The following NETO1 variants were observed in gnomAD, a reference collection of about 807,000 sequenced individuals.
NETO1 encodes the protein neuropilin and tolloid-like protein 1.
In NETO1, 26 loss-of-function variants were observed where a neutral mutation model predicts 61.3. The ratio of observed to expected loss-of-function variants is 0.42; its 90% CI spans 0.31 to 0.59. NETO1 has a LOEUF of 0.59. Ranked by LOEUF, NETO1 falls within the 20% of genes least tolerant of loss-of-function variation. The probability of loss-of-function intolerance (pLI) is 0.12; values close to 1 mark genes in which losing one functional copy is unlikely to be tolerated. For missense variants in NETO1, 531 were observed against 662.8 expected (o/e 0.80, Z 2.18); for synonymous variants, 225 against 225.8 (o/e 1.00, Z 0.03).
At chr18:72,840,525 G>A (rs1236456594) in intron 4 of NETO1, among the ~76,000 whole-genome samples, 2 of 152,150 alleles carry the variant, frequency 1.3e-5, no homozygotes, top group South Asian at 2.1e-4. Context: ...CAATTACTGA[G>A]GGTGATTTAT....
chr18:72,843,301 A>G (rs1411111548), intron 4 of NETO1, among the ~76,000 whole-genome samples: 1 of 152,176 alleles, frequency 6.6e-6, no homozygotes, highest in East Asian at 1.9e-4. Context: ...CAACAGATAG[A>G]GGAGTAAAGC....
At chr18:72,770,717 A>G (rs1369893714) in intron 7 of NETO1, among the ~76,000 whole-genome samples, 1 of 152,158 alleles carries the variant, frequency 6.6e-6, no homozygotes, top group Non-Finnish European at 1.5e-5. Context: ...TCCAGTACAT[A>G]ACATTTTCTT....
chr18:72,790,748 C>A (rs1173829418), intron 6 of NETO1, among the ~76,000 whole-genome samples: 1 of 152,106 alleles, frequency 6.6e-6, no homozygotes, highest in South Asian at 2.1e-4. Context: ...AATCCTGTTT[C>A]ATGTGACAGT....
intron 4 of NETO1, among the ~76,000 whole-genome samples, chr18:72,805,030 T>C (rs1260511450): frequency 6.6e-6 from 1 of 152,230 alleles, no homozygotes; most frequent in Non-Finnish European, 1.5e-5. Context: ...GACTGTTACA[T>C]TTTTATCAAA....
chr18:72,794,643 T>C (rs1322796936), intron 4 of NETO1, among the ~76,000 whole-genome samples: 1 of 152,134 alleles, frequency 6.6e-6, no homozygotes, highest in Non-Finnish European at 1.5e-5. Flanking sequence ...CTATTTAAAT[T>C]TTTTTTCTAA....
rs984117632 is a variant in NETO1 at position 72,746,185 on chromosome 18, A to T, written c.*1994T>A. 6.6e-6 allele frequency among the ~76,000 whole-genome samples: 1 copy of T among 152,184 alleles called. No individual in the cohort carries two copies. The highest frequency in any genetic ancestry group is 2.4e-5 in the African/African-American group (1 of 41,452). Reference sequence around the variant, plus strand: ...TTTTTATTGCTGTTACAAATAAAAAATCTTGACAGTTATATCATACTTTTG... The same window carrying T: ...TTTTTATTGCTGTTACAAATAAAAATTCTTGACAGTTATATCATACTTTTG... On this transcript the variant is annotated 3_prime_UTR_variant, in exon 11 of 11. Coordinates refer to ENST00000327305, the MANE Select transcript of NETO1 (RefSeq NM_138966.5).
At chr18:72,837,168 G>C (rs2073776981) in intron 4 of NETO1, among the ~76,000 whole-genome samples, 1 of 152,080 alleles carries the variant, frequency 6.6e-6, no homozygotes, top group African/African-American at 2.4e-5. Flanking sequence ...CAATAAACAG[G>C]AAAAAACTTG....
At chr18:72,755,025 A>T (rs753706057) in intron 8 of NETO1, among the ~76,000 whole-genome samples, 3 of 152,156 alleles carry the variant, frequency 2.0e-5, no homozygotes, top group Non-Finnish European at 2.9e-5. Context: ...TAAAGGAATC[A>T]TTTTTCTTTC....
At chr18:72,828,977 A>C (rs2073483992) in intron 4 of NETO1, among the ~76,000 whole-genome samples, 1 of 152,200 alleles carries the variant, frequency 6.6e-6, no homozygotes, top group African/African-American at 2.4e-5. Flanking sequence ...CTAAAAAAAA[A>C]ATCTTAAGAA....
rs2074777507 is a variant in NETO1, at chr18:72,867,483, G to A, written c.-192C>T. On this transcript the variant is annotated 5_prime_UTR_variant, in exon 1 of 11. Coordinates refer to ENST00000327305, the MANE Select transcript of NETO1 (RefSeq NM_138966.5). ...CCACGCTGCAGCCAGATCCGGATGA[G>A]TCCGTCCTCCGCCCCGGGCGGGCTC... The A allele has an allele frequency of 2.5e-6, 1 of 402,032 alleles. No homozygotes were observed. The highest frequency in any genetic ancestry group is 4.4e-5 in the Admixed American group (1 of 22,640). The allele number at this position is 402,032 out of a possible 1,614,324, so 24.9% of individuals were successfully genotyped here. A position where few individuals can be genotyped will look rare whatever the true frequency, so the allele number is the denominator to read the frequency against.
Position 72,831,910 on chromosome 18 carries a change from A to G in NETO1, c.469+26916T>C, listed in dbSNP as rs189802091. On this transcript the variant is annotated intron_variant, in intron 4 of 10. Transcript: ENST00000327305. ...TGCCTTCTTCCTAGGTAACTCTTCT[A>G]AGTGCTTCAATATAAGTGTTGGTGT... Among the ~76,000 whole-genome samples the G allele has an allele frequency of 8.5e-4, 130 of 152,278 alleles. 1 individual carries two copies. The South Asian group carries it at 0.024, about 28-fold the overall frequency.
At chr18:72,846,397 G>A (rs2074085011) in intron 4 of NETO1, among the ~76,000 whole-genome samples, 1 of 150,578 alleles carries the variant, frequency 6.6e-6, no homozygotes, top group African/African-American at 2.4e-5. Context: ...CCCAGCTACT[G>A]GGGAGGCTGA....
intron 4 of NETO1, among the ~76,000 whole-genome samples, chr18:72,842,947 A>T (rs2073979846): frequency 6.6e-6 from 1 of 152,344 alleles, no homozygotes; most frequent in African/African-American, 2.4e-5. Flanking sequence ...TGAATTTCTT[A>T]TAACGGCATT....
chr18:72,818,346 CAG>C (rs2073089794), intron 4 of NETO1, among the ~76,000 whole-genome samples: 1 of 152,126 alleles, frequency 6.6e-6, no homozygotes, highest in Admixed American at 6.5e-5. Flanking sequence ...AAAATATTGA[CAG>C]TATCACATAA....
At chr18:72,836,150 G>A (rs186112181) in intron 4 of NETO1, among the ~76,000 whole-genome samples, 24 of 152,244 alleles carry the variant, frequency 1.6e-4, no homozygotes, top group Non-Finnish European at 2.8e-4. Flanking sequence ...CCTTCTTTTA[G>A]AGCCCAGACG....
chr18:72,862,683 C>T (rs28608484), intron 3 of NETO1, among the ~76,000 whole-genome samples: 1 of 145,124 alleles, frequency 6.9e-6, no homozygotes, highest in East Asian at 2.0e-4. Context: ...CGCAGTGGTG[C>T]GATCTCGGCT....
intron 4 of NETO1, among the ~76,000 whole-genome samples, chr18:72,817,846 C>T (rs2145263301): frequency 6.6e-6 from 1 of 152,332 alleles, no homozygotes; most frequent in South Asian, 2.1e-4. Context: ...CATGCTCATG[C>T]TCTAAAAGAC....
At chr18:72,783,383 G>C (rs2071806046) in intron 7 of NETO1, among the ~76,000 whole-genome samples, 1 of 152,142 alleles carries the variant, frequency 6.6e-6, no homozygotes, top group Non-Finnish European at 1.5e-5. Context: ...CAGTTCCACA[G>C]GCTTCCTAAG....
intron 4 of NETO1, among the ~76,000 whole-genome samples, chr18:72,805,350 T>C (rs1458163160): frequency 6.6e-6 from 1 of 152,148 alleles, no homozygotes; most frequent in Non-Finnish European, 1.5e-5. Context: ...TCTACACAAA[T>C]GAAAAGAATA....
Sources: allele counts gnomAD v4.1 joint callset (sites outside exome capture counted in the v4.1 genomes callset), GRCh38; gene constraint gnomAD v4.1.1; transcripts MANE v1.5; gene names NCBI Gene and HGNC (gene_info 2026-07-23, HGNC 2026-07-21).